Variants in COL4A1 observed in about 807,000 individuals in gnomAD.
COL4A1 encodes the protein collagen alpha-1(IV) chain.
COL4A1 carries 40 observed loss-of-function variants against 216.6 expected under a neutral mutation model. The ratio of observed to expected loss-of-function variants is 0.18; its 90% CI spans 0.14 to 0.24. The LOEUF (loss-of-function observed/expected upper bound fraction) is 0.24, where lower values mean the gene tolerates loss of function less well. Ranked by LOEUF, COL4A1 falls within the 10% of genes least tolerant of loss-of-function variation. The pLI is 1.00. For missense variants in COL4A1, 1,628 were observed against 2,196.8 expected, an observed-to-expected ratio of 0.74 and a Z score of 5.18; for synonymous variants, 839 against 810.7, an observed-to-expected ratio of 1.03 and a Z score of -0.59.
Position 110,174,971 on chromosome 13 carries a change from T to C in COL4A1, c.3199-222A>G, listed in dbSNP as rs1000990. Among the ~76,000 whole-genome samples the C allele has an allele frequency of 0.34, 51,664 of 152,088 alleles. 8,857 individuals are homozygous for C. The highest frequency in any genetic ancestry group is 0.37 in the Non-Finnish European group (25,106 of 67,962). ...GGTTTCTACCTGCCATTCCTCTTCGTCCTCCATCCTCTCTGTTTTATCCCA... is the reference window on the plus strand; with the variant it reads ...GGTTTCTACCTGCCATTCCTCTTCGCCCTCCATCCTCTCTGTTTTATCCCA... On this transcript the variant is annotated intron_variant, in intron 37 of 51. Coordinates refer to ENST00000375820, the MANE Select transcript of COL4A1 (RefSeq NM_001845.6).
chr13:110,202,643 CA>C (rs901281681), intron 18 of COL4A1, among the ~76,000 whole-genome samples: 5 of 152,224 alleles, frequency 3.3e-5, no homozygotes, highest in Admixed American at 3.3e-4. Context: ...GTAACATTTT[CA>C]TTATTTCAAA....
chr13:110,221,155 C>T (rs1019025700), intron 2 of COL4A1, among the ~76,000 whole-genome samples: 1 of 152,160 alleles, frequency 6.6e-6, no homozygotes, highest in East Asian at 1.9e-4. Context: ...TTAACATTCA[C>T]TATGAAGTTG....
intron 50 of COL4A1, among the ~76,000 whole-genome samples, chr13:110,154,323 G>C (rs1037180804): frequency 6.6e-6 from 1 of 152,238 alleles, no homozygotes; most frequent in Non-Finnish European, 1.5e-5. Context: ...TCAAACAGGG[G>C]CCTTGTTTTC....
chr13:110,169,041 TCA>T (rs34858383), intron 43 of COL4A1, among the ~76,000 whole-genome samples: 101,400 of 151,374 alleles, frequency 0.67, 34,136 homozygotes, highest in Admixed American at 0.7. Flanking sequence ...AGAGCCAAAG[TCA>T]CACACACACA....
At chr13:110,276,110 C>A (rs1182233685) in intron 1 of COL4A1, among the ~76,000 whole-genome samples, 2 of 151,942 alleles carry the variant, frequency 1.3e-5, no homozygotes, top group South Asian at 2.1e-4. Flanking sequence ...AGCCAATGAC[C>A]CACTCTGGTG....
intron 24 of COL4A1, 53 bp downstream of exon 24, chr13:110,192,161 C>T (rs1053085400): frequency 5.7e-5 from 90 of 1,570,964 alleles, no homozygotes; most frequent in South Asian, 2.7e-4. Flanking sequence ...ACTCTGTCCA[C>T]GTGCTTGGTG....
At chr13:110,255,571 G>GA (rs1469422738) in intron 1 of COL4A1, among the ~76,000 whole-genome samples, 4 of 47,896 alleles carry the variant, frequency 8.4e-5, no homozygotes, top group Admixed American at 2.1e-4. Flanking sequence ...GGCAGGAAGG[G>GA]AGGGGGCAGG....
In COL4A1 at chr13:110,194,713, C is replaced by T. The variant is rs550689631; in HGVS notation, c.1381+310G>A. Among the ~76,000 whole-genome samples the T allele has an allele frequency of 5.3e-5, 8 of 152,212 alleles. 1 individual carries two copies. The South Asian group carries it at 8.3e-4, about 16-fold the overall frequency. Reference sequence around the variant, plus strand: ...TCTCAAACACTGAATGGAAAGATTGCGGTAACAAATCAGTCTGAGTTTTAT... The same window carrying T: ...TCTCAAACACTGAATGGAAAGATTGTGGTAACAAATCAGTCTGAGTTTTAT... On this transcript the variant is annotated intron_variant, in intron 22 of 51. Coordinates refer to ENST00000375820, the MANE Select transcript of COL4A1 (RefSeq NM_001845.6).
intron 12 of COL4A1, among the ~76,000 whole-genome samples, chr13:110,208,426 G>A (rs891523854): frequency 1.3e-5 from 2 of 152,290 alleles, no homozygotes; most frequent in Middle Eastern, 3.4e-3. Context: ...AAGAGAGGCC[G>A]GTGGTGAGGG....
At position 110,292,423 on chromosome 13, in the gene COL4A1, T is replaced by C. The variant is rs555823739; in HGVS notation, c.84+14521A>G. ...ACTATAGTTTCTTGACTCTCAACTT[T>C]TCATATATTTCCAATCTGGAGGTGG... On this transcript the variant is annotated intron_variant, in intron 1 of 51. Transcript: ENST00000375820. Among the ~76,000 whole-genome samples, 4 of 152,338 alleles carry C rather than the reference T, an allele frequency of 2.6e-5. No individual in the cohort carries two copies. The East Asian group carries it at 7.7e-4, about 29-fold the overall frequency.
At chr13:110,158,341 C>T (rs1876891590) in intron 49 of COL4A1, among the ~76,000 whole-genome samples, 1 of 152,348 alleles carries the variant, frequency 6.6e-6, no homozygotes, top group South Asian at 2.1e-4. Context: ...GGTCCATGGT[C>T]CCACGTGGCA....
At chr13:110,267,284 G>A (rs1466329818) in intron 1 of COL4A1, among the ~76,000 whole-genome samples, 1 of 152,204 alleles carries the variant, frequency 6.6e-6, no homozygotes, top group Non-Finnish European at 1.5e-5. Flanking sequence ...GGGGCAGGGA[G>A]ACGGAGCTAC....
intron 2 of COL4A1, among the ~76,000 whole-genome samples, chr13:110,242,018 A>G (rs1325309336): frequency 2.0e-5 from 3 of 152,174 alleles, no homozygotes; most frequent in African/African-American, 7.2e-5. Flanking sequence ...TGACCCACAG[A>G]CAGTACCAGG....
At chr13:110,279,764 C>T (rs190829855) in intron 1 of COL4A1, among the ~76,000 whole-genome samples, 1 of 152,158 alleles carries the variant, frequency 6.6e-6, no homozygotes, top group Non-Finnish European at 1.5e-5. Context: ...AACCAGTGCC[C>T]ATTTCACAGT....
intron 41 of COL4A1, among the ~76,000 whole-genome samples, chr13:110,171,296 T>C (rs984943999): frequency 8.6e-5 from 13 of 152,002 alleles, no homozygotes; most frequent in African/African-American, 3.1e-4. Flanking sequence ...AGATGGACGG[T>C]TGCTTGGGGA....
At chr13:110,218,375 G>A (rs1003268315) in intron 2 of COL4A1, among the ~76,000 whole-genome samples, 1 of 152,120 alleles carries the variant, frequency 6.6e-6, no homozygotes, top group Admixed American at 6.5e-5. Flanking sequence ...GAATGAGTAC[G>A]GGTACCGGGT....
At chr13:110,168,535 TA>T (rs1334655298) in intron 43 of COL4A1, among the ~76,000 whole-genome samples, 3 of 152,232 alleles carry the variant, frequency 2.0e-5, no homozygotes, top group Non-Finnish European at 4.4e-5. Flanking sequence ...CAGTTCTGCA[TA>T]ATTATTTATA....
chr13:110,225,024 C>T (rs886098208), intron 2 of COL4A1, among the ~76,000 whole-genome samples: 1 of 152,134 alleles, frequency 6.6e-6, no homozygotes, highest in African/African-American at 2.4e-5. Flanking sequence ...TTAAGAAAAA[C>T]CTTTCTTTTT....
At chr13:110,152,759 A>G (rs1876569812) in intron 50 of COL4A1, among the ~76,000 whole-genome samples, 1 of 152,230 alleles carries the variant, frequency 6.6e-6, no homozygotes, top group Non-Finnish European at 1.5e-5. Context: ...CAAATAGGTG[A>G]CCAGCCCAGC....
Sources: allele counts gnomAD v4.1 joint callset (sites outside exome capture counted in the v4.1 genomes callset), GRCh38; gene constraint gnomAD v4.1.1; transcripts MANE v1.5; gene names NCBI Gene and HGNC (gene_info 2026-07-23, HGNC 2026-07-21).